ZFR2: variants seen among roughly 807,000 people sequenced by gnomAD.
ZFR2 encodes the protein zinc finger RNA binding protein 2, also known as zinc finger RNA-binding protein 2.
ZFR2 carries 104 observed loss-of-function variants against 105.7 expected under a neutral mutation model. That is an observed-to-expected ratio of 0.98 (90% CI 0.84 to 1.16). The LOEUF is 1.16. Ranked by LOEUF, ZFR2 falls within the 50% of genes most tolerant of loss-of-function variation. ZFR2 has a pLI of 0.00. For missense variants in ZFR2, 1,425 were observed against 1,355.5 expected, an observed-to-expected ratio of 1.05 and a Z score of -0.80; for synonymous variants, 634 against 597.7, an observed-to-expected ratio of 1.06 and a Z score of -0.89.
intron 1 of ZFR2, among the ~76,000 whole-genome samples, chr19:3,847,395 G>A (rs968026381): frequency 5.3e-5 from 8 of 152,026 alleles, no homozygotes; most frequent in African/African-American, 1.7e-4. Context: ...GTGGTGGCAC[G>A]TGCCTGTAAT....
intron 5 of ZFR2, among the ~76,000 whole-genome samples, chr19:3,828,106 C>G (rs12460770): frequency 0.17 from 25,486 of 151,770 alleles, 2,388 homozygotes; most frequent in East Asian, 0.31. Context: ...AGGAGCGCAC[C>G]ACCGCGCCCA....
rs1202574722 is a variant in ZFR2 at position 3,823,232 on chromosome 19, C to A, written c.1371+14G>T. 6.2e-7 allele frequency: 1 copy of A among 1,613,848 alleles called. No individual in the cohort carries two copies. Among genetic ancestry groups the A allele is most frequent in the Non-Finnish European group, 8.5e-7 (1 of 1,179,854 alleles). On this transcript the variant is annotated intron_variant, in intron 8 of 18. Coordinates refer to ENST00000262961, the MANE Select transcript of ZFR2 (RefSeq NM_015174.2). This position sits in a 1 kb window ranked among gnomAD's most constrained non-coding sequence, Gnocchi z 5.4. ...CCCTGACCGGGGCACCAGGACTTGA[C>A]AGCCTCGACTTACCTCCTCCACATA...
intron 1 of ZFR2, chr19:3,852,408 ACT>A (rs2038250204): frequency 1.4e-6 from 1 of 703,808 alleles, no homozygotes; most frequent in Non-Finnish European, 2.6e-6. Flanking sequence ...GGGCACTGTG[ACT>A]CTTCTCCTTA....
chr19:3,825,841 C>T (rs1424104411), intron 6 of ZFR2, among the ~76,000 whole-genome samples: 1 of 152,136 alleles, frequency 6.6e-6, no homozygotes, highest in Non-Finnish European at 1.5e-5. Context: ...TCTGCACGCA[C>T]GTGTGCACAT....
At chr19:3,850,161 A>C (rs2038223007) in intron 1 of ZFR2, among the ~76,000 whole-genome samples, 1 of 152,052 alleles carries the variant, frequency 6.6e-6, no homozygotes, top group Non-Finnish European at 1.5e-5. Context: ...TGGGAGAAGG[A>C]GGGGCATGCC....
chr19:3,868,445 T>C (rs895528324), intron 1 of ZFR2, among the ~76,000 whole-genome samples: 2 of 151,262 alleles, frequency 1.3e-5, no homozygotes, highest in African/African-American at 4.9e-5. Context: ...CCTAGGTCTG[T>C]GTCTTCTCTT....
intron 1 of ZFR2, among the ~76,000 whole-genome samples, chr19:3,866,352 C>T (rs991504520): frequency 1.3e-5 from 2 of 152,072 alleles, no homozygotes; most frequent in African/African-American, 4.8e-5. Context: ...CTCTCTGCGG[C>T]AATTCTAAGG....
chr19:3,839,535 T>C (rs150556713), intron 1 of ZFR2, among the ~76,000 whole-genome samples: 1,084 of 47,202 alleles, frequency 0.023, 13 homozygotes, highest in African/African-American at 0.078. Context: ...CGGGATTCTG[T>C]CAAAAAAAAA....
At chr19:3,842,620 CTTTT>C (rs1166574867) in intron 1 of ZFR2, among the ~76,000 whole-genome samples, 3 of 149,946 alleles carry the variant, frequency 2.0e-5, no homozygotes, top group Non-Finnish European at 4.4e-5. Context: ...ACTTTTTTTT[CTTTT>C]TTCTTTTTTT....
chr19:3,821,063 G>A (rs1372428596), intron 10 of ZFR2, among the ~76,000 whole-genome samples: 1 of 152,008 alleles, frequency 6.6e-6, no homozygotes, highest in Non-Finnish European at 1.5e-5. Flanking sequence ...CTCTGCAGCC[G>A]TGTGGTCCAG....
At chr19:3,815,636 G>A (rs1430396234) in intron 13 of ZFR2, among the ~76,000 whole-genome samples, 3 of 152,160 alleles carry the variant, frequency 2.0e-5, no homozygotes, top group Admixed American at 6.6e-5. Flanking sequence ...CCGGGCTGGA[G>A]TGCAGTAGTG....
intron 10 of ZFR2, 50 bp downstream of exon 10, chr19:3,821,290 G>T: frequency 6.6e-7 from 1 of 1,507,940 alleles, no homozygotes; most frequent in South Asian, 1.3e-5. Context: ...TTCCACGCTG[G>T]ACCTGCCCTC....
intron 1 of ZFR2, among the ~76,000 whole-genome samples, chr19:3,868,700 A>T (rs2038463475): frequency 6.7e-6 from 1 of 150,266 alleles, no homozygotes; most frequent in Admixed American, 6.6e-5. Flanking sequence ...CCACTTCAGG[A>T]GCCCCCTCCC....
chr19:3,842,558 G>T (rs978930732), intron 1 of ZFR2, among the ~76,000 whole-genome samples: 3 of 151,540 alleles, frequency 2.0e-5, no homozygotes, highest in Non-Finnish European at 4.4e-5. Flanking sequence ...AAATGTAGTG[G>T]TTTTCAGTAT....
At position 3,868,850 on chromosome 19, in the gene ZFR2, T is replaced by TTGGGGC. The variant is rs2038465721; in HGVS notation, c.53+109_53+114dup. The TTGGGGC allele has an allele frequency of 2.1e-5, 19 of 895,678 alleles. 1 individual carries two copies. In the South Asian group the frequency reaches 9.2e-4, roughly 43 times the overall value. 55.5% of individuals were successfully genotyped at this position (895,678 alleles called of 1,614,324 possible). ...GCTTCCCTCAGGCCGGGGTTCCAGG[T>TTGGGGC]TGGGGCTGGGACTGGGGCCGGGCCG... On this transcript the variant is annotated intron_variant, in intron 1 of 18. Transcript: ENST00000262961.
intron 7 of ZFR2, among the ~76,000 whole-genome samples, chr19:3,824,045 C>T (rs536615977): frequency 3.9e-5 from 6 of 152,238 alleles, no homozygotes; most frequent in Non-Finnish European, 7.4e-5. Flanking sequence ...GCCTGTAAAC[C>T]CAGTGCTGCG....
intron 1 of ZFR2, among the ~76,000 whole-genome samples, chr19:3,845,923 CCT>C (rs539690319): frequency 5.3e-4 from 81 of 152,316 alleles, no homozygotes; most frequent in African/African-American, 1.9e-3. Context: ...GGATTCAGCC[CCT>C]GATGGCTGCT....
chr19:3,865,659 G>T (rs2038419604), intron 1 of ZFR2, among the ~76,000 whole-genome samples: 1 of 152,044 alleles, frequency 6.6e-6, no homozygotes, highest in African/African-American at 2.4e-5. Flanking sequence ...TGCCTGGCCT[G>T]GTTATCAATT....
intron 1 of ZFR2, among the ~76,000 whole-genome samples, chr19:3,839,686 G>A (rs978320106): frequency 1.3e-5 from 2 of 151,066 alleles, no homozygotes; most frequent in Non-Finnish European, 2.9e-5. Flanking sequence ...ATATCACTGA[G>A]ATGGGTAAGT....
Sources: gnomAD v4.1 joint callset for allele counts (sites outside exome capture counted in the v4.1 genomes callset) on GRCh38, gnomAD v4.1.1 for gene constraint, Gnocchi (gnomAD v3.1) non-coding constraint, MANE v1.5 for transcripts, NCBI Gene and HGNC (gene_info 2026-07-23, HGNC 2026-07-21) for gene names.